HIPK3: variants seen among roughly 807,000 people sequenced by gnomAD.
The protein encoded by HIPK3 is homeodomain interacting protein kinase 3.
A neutral mutation model predicts 124.2 loss-of-function variants in HIPK3; 47 were observed. That is an observed-to-expected ratio of 0.38 (90% CI 0.30 to 0.48). HIPK3 has a LOEUF of 0.48. HIPK3 is among the 20% of genes least tolerant of loss of function. HIPK3 has a pLI of 0.98. For missense variants in HIPK3, 1,286 were observed against 1,454.3 expected, an observed-to-expected ratio of 0.88 and a Z score of 1.88; for synonymous variants, 482 against 515.2, an observed-to-expected ratio of 0.94 and a Z score of 0.87.
At chr11:33,301,026 A>G (rs1035823193) in intron 2 of HIPK3, among the ~76,000 whole-genome samples, 13 of 152,042 alleles carry the variant, frequency 8.6e-5, no homozygotes, top group African/African-American at 3.1e-4. Context: ...GTATATTTCT[A>G]TGTCTATCTG....
intron 2 of HIPK3, among the ~76,000 whole-genome samples, chr11:33,314,369 T>TAGGCTGGGG (rs1209118771): frequency 1.3e-5 from 2 of 152,092 alleles, no homozygotes; most frequent in Non-Finnish European, 2.9e-5. Flanking sequence ...AATCTGACTC[T>TAGGCTGGGG]AGGCTGGGGA....
At chr11:33,329,206 A>G (rs570000285) in intron 3 of HIPK3, among the ~76,000 whole-genome samples, 3 of 152,156 alleles carry the variant, frequency 2.0e-5, no homozygotes, top group Admixed American at 6.5e-5. Context: ...TTTCTGTACT[A>G]TTAAACAGTG....
chr11:33,351,655 C>G lies in HIPK3; in HGVS notation c.2855C>G (p.Ser952Cys), dbSNP rs371278906. 7 of 1,614,184 alleles carry G rather than the reference C, an allele frequency of 4.3e-6. No individual in the cohort carries two copies. The highest frequency in any genetic ancestry group is 2.2e-5 in the East Asian group (1 of 44,884). Residue 952 changes from serine to cysteine, a missense_variant, in exon 15 of 17, where the codon TCT becomes TGT. By Grantham distance (112) the Ser-to-Cys change is moderately radical. Coordinates refer to ENST00000303296, the MANE Select transcript of HIPK3 (RefSeq NM_005734.5). ...AGTAGTTGTGATACGGTGGATGGCT[C>G]TCCGACATCTGACTCTTCCGGGCAT... Reference protein sequence around the residue: ...QESSCDTVDGSPTSDSSGHDS... With the variant: ...QESSCDTVDGCPTSDSSGHDS...
At position 33,351,793 on chromosome 11, in the gene HIPK3, C is replaced by G. The variant is rs1254934574; in HGVS notation, c.2993C>G (p.Pro998Arg). 13 of 1,614,160 alleles carry G rather than the reference C, an allele frequency of 8.1e-6. 1 individual carries two copies. Among genetic ancestry groups the G allele is most frequent in the Middle Eastern group, 3.3e-4 (2 of 6,062 alleles). Residue 998 changes from proline to arginine, a missense_variant, in exon 15 of 17, where the codon CCA (proline) becomes CGA (arginine). Pro to Arg is a moderately radical substitution (Grantham distance 103, BLOSUM62 -2). Around this residue, in one of 3 missense-constraint regions of HIPK3, gnomAD observed 810 missense variants for 864.9 expected, o/e 0.94. Coordinates refer to ENST00000303296, the MANE Select transcript of HIPK3 (RefSeq NM_005734.5). ...KPAVCSVVVP[P>R]VELENGLNAD... Reference sequence around the variant, plus strand: ...GCTGTCTGTTCTGTTGTGGTGCCACCAGTGGAACTAGAAAATGGCTTAAAT... The same window carrying G: ...GCTGTCTGTTCTGTTGTGGTGCCACGAGTGGAACTAGAAAATGGCTTAAAT...
intron 8 of HIPK3, among the ~76,000 whole-genome samples, chr11:33,345,591 T>C (rs1853469031): frequency 6.8e-6 from 1 of 146,506 alleles, no homozygotes; most frequent in Admixed American, 7.1e-5. Context: ...ATTTGCTCTC[T>C]CTGTTCATCC....
intron 2 of HIPK3, 45 bp from the exon 3 acceptor site, chr11:33,328,465 T>A: frequency 6.3e-7 from 1 of 1,594,582 alleles, no homozygotes; most frequent in South Asian, 1.1e-5. Flanking sequence ...TTAGGTAATT[T>A]TAGAGAAAAA....
chr11:33,275,525 T>C (rs1324763835), intron 1 of HIPK3, among the ~76,000 whole-genome samples: 1 of 152,192 alleles, frequency 6.6e-6, no homozygotes, highest in Non-Finnish European at 1.5e-5. Flanking sequence ...TTGTTTTGTC[T>C]TTTATAAATA....
Position 33,348,611 on chromosome 11 carries a change from G to A in HIPK3, c.2459G>A (p.Cys820Tyr), listed in dbSNP as rs781392443. The change falls in exon 13 of 17, where the codon TGT becomes TAT. Residue 820 changes from cysteine (C) to tyrosine (Y), a missense_variant. Physicochemically the swap from Cys to Tyr is radical, Grantham distance 194 (BLOSUM62 -2). Around this residue, in one of 3 missense-constraint regions of HIPK3, gnomAD observed 810 missense variants for 864.9 expected, o/e 0.94. Transcript: ENST00000303296. Reference sequence around the variant, plus strand: ...GGGAAAGATGTCGAGGAAGTAAGTTGTATAGAAACACAGGACAATCAGAAC... The same window carrying A: ...GGGAAAGATGTCGAGGAAGTAAGTTATATAGAAACACAGGACAATCAGAAC... Reference protein sequence around the residue: ...INGKDVEEVSCIETQDNQNSE... With the variant: ...INGKDVEEVSYIETQDNQNSE... 21 of 1,613,902 alleles carry A rather than the reference G, an allele frequency of 1.3e-5. 3 individuals are homozygous for A. Among genetic ancestry groups the A allele is most frequent in the Admixed American group, 1.2e-4 (7 of 60,008 alleles).
intron 13 of HIPK3, 46 bp from the exon 14 acceptor site, chr11:33,349,101 A>G (rs1853583037): frequency 6.4e-7 from 1 of 1,574,668 alleles, no homozygotes; most frequent in South Asian, 1.1e-5. Context: ...TTTGGAGAGT[A>G]TCTTCTTGTA....
chr11:33,341,062 G>C lies in HIPK3; in HGVS notation c.1708G>C (p.Val570Leu), dbSNP rs1320658174. 2 of 1,612,150 alleles carry C rather than the reference G, an allele frequency of 1.2e-6. No homozygotes were observed. Among genetic ancestry groups the C allele is most frequent in the Admixed American group, 3.3e-5 (2 of 59,818 alleles). ...NHNKTSLLRPVASSSTATLTA... is the reference protein window; with the variant it reads ...NHNKTSLLRPLASSSTATLTA... Reference sequence around the variant, plus strand: ...CAACAAAACTTCACTTTTAAGACCAGTTGCTTCAAGCAGTACTGCTACACT... The same window carrying C: ...CAACAAAACTTCACTTTTAAGACCACTTGCTTCAAGCAGTACTGCTACACT... The change falls in exon 7 of 17, where the codon GTT becomes CTT. Residue 570 changes from valine (V) to leucine (L), a missense_variant. Transcript: ENST00000303296.
At chr11:33,289,366 G>GCC (rs1313727240) in intron 2 of HIPK3, among the ~76,000 whole-genome samples, 1 of 152,088 alleles carries the variant, frequency 6.6e-6, no homozygotes, top group Admixed American at 6.6e-5. Flanking sequence ...GATCCCTTGA[G>GCC]CCCAGGTGTT....
rs370516654 is a variant in HIPK3, at chr11:33,352,133, G to A, written c.3044-5G>A. The A allele has an allele frequency of 2.3e-5, 37 of 1,611,552 alleles. No homozygotes were observed. Among genetic ancestry groups the A allele is most frequent in the South Asian group, 5.5e-5 (5 of 90,972 alleles). ...TAAACTCTTTAATATTTTATTCGTCGCCAGATTCTATATGCCAGCCATTAA... is the reference window on the plus strand; with the variant it reads ...TAAACTCTTTAATATTTTATTCGTCACCAGATTCTATATGCCAGCCATTAA... On this transcript the variant is annotated splice_polypyrimidine_tract_variant and splice_region_variant and intron_variant, in intron 15 of 16. Coordinates refer to ENST00000303296, the MANE Select transcript of HIPK3 (RefSeq NM_005734.5).
chr11:33,329,061 C>T (rs1852894917), intron 3 of HIPK3, among the ~76,000 whole-genome samples: 1 of 152,124 alleles, frequency 6.6e-6, no homozygotes, highest in South Asian at 2.1e-4. Context: ...AACTTGAACT[C>T]TTCTCAGTCT....
chr11:33,288,442 C>T (rs1313074190), intron 2 of HIPK3, among the ~76,000 whole-genome samples: 1 of 152,088 alleles, frequency 6.6e-6, no homozygotes, highest in Non-Finnish European at 1.5e-5. Context: ...GCCACAAGAG[C>T]AAAACTCTGT....
In HIPK3 at chr11:33,258,701, C is replaced by T. The variant is rs548406643; in HGVS notation, c.-3+812C>T. 2.4e-5 allele frequency: 24 copies of T among 985,322 alleles called. No homozygotes were observed. In the Admixed American group the frequency reaches 4.3e-4, roughly 18 times the overall value. The allele number at this position is 985,322 out of a possible 1,614,324, so 61.0% of individuals were successfully genotyped here. On this transcript the variant is annotated intron_variant, in intron 1 of 16. Coordinates refer to ENST00000303296, the MANE Select transcript of HIPK3 (RefSeq NM_005734.5). ...GGCTGTTGTAAAATGGTATGTGGCT[C>T]TCGGGGAATCCTGTTGTTCCCGTCT...
chr11:33,295,287 C>CCCA (rs979596938), intron 2 of HIPK3, among the ~76,000 whole-genome samples: 1 of 146,044 alleles, frequency 6.8e-6, no homozygotes, highest in Admixed American at 6.8e-5. Flanking sequence ...GCCCCCCCCC[C>CCCA]ACAACTCCAC....
upstream of HIPK3, chr11:33,257,175 G>A (rs890702213): frequency 4.3e-6 from 4 of 935,512 alleles, no homozygotes; most frequent in East Asian, 1.2e-4. Context: ...GGGGCCGCAC[G>A]GGCTGGCAGG....
chr11:33,282,453 G>C (rs923576680), intron 1 of HIPK3, among the ~76,000 whole-genome samples: 1 of 151,996 alleles, frequency 6.6e-6, no homozygotes, highest in Non-Finnish European at 1.5e-5. Context: ...AGGCCAAGGT[G>C]GGTGGATTAC....
chr11:33,257,569 G>A lies in HIPK3; in HGVS notation c.-323G>A. The A allele has an allele frequency of 1.0e-6, 1 of 985,732 alleles. No homozygotes were observed. The highest frequency in any genetic ancestry group is 1.2e-6 in the Non-Finnish European group (1 of 830,120). The allele number at this position is 985,732 out of a possible 1,614,324, so 61.1% of individuals were successfully genotyped here. A position where few individuals can be genotyped will look rare whatever the true frequency, so the allele number is the denominator to read the frequency against. On this transcript the variant is annotated 5_prime_UTR_variant, in exon 1 of 17. Coordinates refer to ENST00000303296, the MANE Select transcript of HIPK3 (RefSeq NM_005734.5). ...CCGTAGGCCCCAGTAGCCGGAGGCC[G>A]ACCGGCCTCCCACTACCCCTCGCCC...
Sources: gnomAD v4.1 joint callset for allele counts (sites outside exome capture counted in the v4.1 genomes callset) on GRCh38, gnomAD v4.1.1 for gene constraint, gnomAD v4.1.1 regional missense constraint, MANE v1.5 for transcripts, NCBI Gene and HGNC (gene_info 2026-07-23, HGNC 2026-07-21) for gene names.